Variants in DNAH17 observed in about 807,000 individuals in gnomAD.
The protein encoded by DNAH17 is axonemal beta dynein heavy chain 17.
In DNAH17, 376 loss-of-function variants were observed where a neutral mutation model predicts 485.6. The ratio of observed to expected loss-of-function variants is 0.77; its 90% CI spans 0.71 to 0.84. DNAH17 has a LOEUF of 0.84. Among genes scored for constraint, DNAH17 ranks in the 40% least tolerant of loss-of-function variants. The pLI is 0.00. For missense variants in DNAH17, 6,370 were observed against 5,839.3 expected, an observed-to-expected ratio of 1.09 and a Z score of -2.96; for synonymous variants, 3,031 against 2,405.9, an observed-to-expected ratio of 1.26 and a Z score of -7.60.
At chr17:78,486,986 CTTTTTTTTTTT>C (rs200078316) in intron 44 of DNAH17, among the ~76,000 whole-genome samples, 2 of 128,572 alleles carry the variant, frequency 1.6e-5, no homozygotes, top group Middle Eastern at 3.6e-3. Context: ...CCCCTTGGTG[CTTTTTTTTTTT>C]TTTTTTTTTT....
chr17:78,457,815 C>T (rs991705594), intron 62 of DNAH17, among the ~76,000 whole-genome samples: 2 of 152,008 alleles, frequency 1.3e-5, no homozygotes, highest in African/African-American at 2.4e-5. Context: ...CGACTGCCAC[C>T]ACACCCAGCT....
Position 78,466,733 on chromosome 17 carries a change from G to A in DNAH17, c.8862C>T (p.Ile2954=), listed in dbSNP as rs927722950. 1.2e-5 allele frequency: 20 copies of A among 1,612,882 alleles called. No individual in the cohort carries two copies. The highest frequency in any genetic ancestry group is 1.6e-5 in the Non-Finnish European group (19 of 1,179,616). The part of the protein sequence containing the change: ...KFPAVVNCTA[I]DWFHEWPEDA... Reference sequence around the variant, plus strand: ...CTTCCGGCCACTCGTGGAACCAGTCGATGGCCGTGCAGTTGACCACAGCTG... The same window carrying A: ...CTTCCGGCCACTCGTGGAACCAGTCAATGGCCGTGCAGTTGACCACAGCTG... The change falls in exon 56 of 81, where the codon ATC becomes ATT. Residue 2954 remains isoleucine (I), a synonymous_variant. Transcript: ENST00000389840.
At chr17:78,447,803 A>ATGCCTAACCTGTTTATACAATTAGTGT (rs2087372214) in intron 69 of DNAH17, among the ~76,000 whole-genome samples, 2 of 151,330 alleles carry the variant, frequency 1.3e-5, no homozygotes, top group African/African-American at 4.9e-5. Context: ...GCTTACACTG[A>ATGCCTAACCTGTTTATACAATTAGTGT]TGCCCAACCT....
chr17:78,451,282 TGGGGAAG>T (rs1226170295), intron 66 of DNAH17, among the ~76,000 whole-genome samples, 180 bp downstream of exon 66: 1 of 152,198 alleles, frequency 6.6e-6, no homozygotes, highest in South Asian at 2.1e-4. Context: ...AGGGGACAGC[TGGGGAAG>T]GAAATGAGCC....
chr17:78,544,630 G>A (rs1356397052), intron 16 of DNAH17, among the ~76,000 whole-genome samples: 1 of 151,940 alleles, frequency 6.6e-6, no homozygotes, highest in East Asian at 1.9e-4. Context: ...GTGAAACCCT[G>A]TCTCTACTAA....
In DNAH17 at chr17:78,571,685, C is replaced by A. The variant is rs1434971399; in HGVS notation, c.637G>T (p.Ala213Ser). The A allele has an allele frequency of 6.2e-7, 1 of 1,614,012 alleles. No homozygotes were observed. The change falls in exon 4 of 81, where the codon GCC (alanine) becomes TCC (serine). Residue 213 changes from alanine (A) to serine (S), a missense_variant. Coordinates refer to ENST00000389840, the MANE Select transcript of DNAH17 (RefSeq NM_173628.4). ...TGCAGCCCATCCAGCAGCGCCTGGGCTGAGTCTTTGCTCAGCACATCCCGG... is the reference window on the plus strand; with the variant it reads ...TGCAGCCCATCCAGCAGCGCCTGGGATGAGTCTTTGCTCAGCACATCCCGG... ...QIRDVLSKDSAQALLDGLHPL... is the reference protein window; with the variant it reads ...QIRDVLSKDSSQALLDGLHPL...
intron 16 of DNAH17, among the ~76,000 whole-genome samples, chr17:78,547,683 C>T (rs1459281420): frequency 1.4e-4 from 21 of 149,714 alleles, no homozygotes; most frequent in African/African-American, 4.7e-4. Flanking sequence ...AGTGGTGTGA[C>T]CTCAGCTCAC....
At position 78,494,620 on chromosome 17, in the gene DNAH17, A is replaced by C; in HGVS notation, c.6243T>G (p.Pro2081=). 1.2e-6 allele frequency: 2 copies of C among 1,613,836 alleles called. No homozygotes were observed. The highest frequency in any genetic ancestry group is 1.7e-6 in the Non-Finnish European group (2 of 1,179,888). Residue 2081 remains proline, a synonymous_variant, in exon 40 of 81, where the codon CCT becomes CCG. Transcript: ENST00000389840. ...IGDLFPALDV[P]RKRDLNFEKI... ...TTTCAAAATTCAGGTCCCGTTTCCG[A>C]GGCACGTCCAGAGCCGGGAAGAGGT...
At chr17:78,565,127 T>TGC (rs1057340991) in intron 11 of DNAH17, among the ~76,000 whole-genome samples, 7 of 152,272 alleles carry the variant, frequency 4.6e-5, no homozygotes, top group African/African-American at 1.7e-4. Flanking sequence ...ACTCCCACCC[T>TGC]GCTCCTTTGC....
chr17:78,425,564 T>C lies in DNAH17; in HGVS notation c.12923A>G (p.Glu4308Gly), dbSNP rs373946815. ...ADLLLRIRELEAWTTDFALPT... is the reference protein window; with the variant it reads ...ADLLLRIRELGAWTTDFALPT... ...CAGGGCAAAGTCTGTCGTCCAGGCC[T>C]CGAGTTCCTGCAAGGACACACGAGC... is the stretch of plus-strand genomic sequence containing the variant. Residue 4308 changes from glutamate (E) to glycine (G), a missense_variant, in exon 80 of 81, where the codon GAG becomes GGG. Coordinates refer to ENST00000389840, the MANE Select transcript of DNAH17 (RefSeq NM_173628.4). The C allele has an allele frequency of 6.2e-7, 1 of 1,607,994 alleles. No homozygotes were observed. Among genetic ancestry groups the C allele is most frequent in the Non-Finnish European group, 8.5e-7 (1 of 1,177,228 alleles).
rs755206656 is a variant in DNAH17, at chr17:78,551,587, T to C, written c.2339A>G (p.Asn780Ser). 2 of 1,614,060 alleles carry C rather than the reference T, an allele frequency of 1.2e-6. No homozygotes were observed. The highest frequency in any genetic ancestry group is 1.3e-5 in the African/African-American group (1 of 75,062). ...ATTTTGTTTTGCCTTTTGCATCCTG[T>C]TCTGCAAGTTGTGCAGAATTTCTCG... Reference protein sequence around the residue: ...EVREILHNLQNRMQKAKQNIE... With the variant: ...EVREILHNLQSRMQKAKQNIE... The change falls in exon 16 of 81, where the codon AAC becomes AGC. Residue 780 changes from asparagine to serine, a missense_variant. Asn to Ser is a conservative substitution (Grantham distance 46). Transcript: ENST00000389840.
chr17:78,494,715 C>T lies in DNAH17; in HGVS notation c.6148G>A (p.Ala2050Thr). The change falls in exon 40 of 81, where the codon GCG (alanine) becomes ACG (threonine). Residue 2050 changes from alanine (A) to threonine (T), a missense_variant. By Grantham distance (58) the Ala-to-Thr change is moderately conservative. Transcript: ENST00000389840. ...SRAEDQVLMR[A>T]LRDFNIPKIV... ...TTGGGGATGTTGAAGTCTCTCAGCG[C>T]CCGCATGAGCACCTGGTCCTCTGCC... is the stretch of plus-strand genomic sequence containing the variant. 1 of 1,613,884 alleles carries T rather than the reference C, an allele frequency of 6.2e-7. No individual in the cohort carries two copies. The highest frequency in any genetic ancestry group is 8.5e-7 in the Non-Finnish European group (1 of 1,179,888).
chr17:78,485,460 G>A (rs1317179811), intron 47 of DNAH17, 90 bp downstream of exon 47: 8 of 1,277,802 alleles, frequency 6.3e-6, no homozygotes, highest in Non-Finnish European at 8.6e-6. Flanking sequence ...TGGCTAGTGA[G>A]TGCCTGGGCC....
intron 64 of DNAH17, among the ~76,000 whole-genome samples, chr17:78,453,778 C>T (rs574338552): frequency 4.9e-4 from 74 of 152,326 alleles, no homozygotes; most frequent in African/African-American, 1.7e-3. Flanking sequence ...ACCTTGACCT[C>T]CCAGGCTCAA....
intron 26 of DNAH17, among the ~76,000 whole-genome samples, chr17:78,513,336 C>T (rs1476022530): frequency 1.3e-5 from 2 of 152,118 alleles, no homozygotes; most frequent in Non-Finnish European, 2.9e-5. Flanking sequence ...AGTATTTTAC[C>T]CCAAAATATG....
At chr17:78,492,889 T>A in intron 41 of DNAH17, 124 bp from the exon 42 acceptor site, 1 of 878,384 alleles carries the variant, frequency 1.1e-6, no homozygotes, top group Non-Finnish European at 1.6e-6. Context: ...TTCACTCTTG[T>A]CACCGAGGCT....
At chr17:78,440,997 G>A in intron 72 of DNAH17, 54 bp downstream of exon 72, 3 of 1,548,724 alleles carry the variant, frequency 1.9e-6, no homozygotes, top group Non-Finnish European at 2.6e-6. Flanking sequence ...CCTGGTGCCT[G>A]GTGATGCTGA....
chr17:78,505,155 G>T, intron 31 of DNAH17, 138 bp downstream of exon 31: 1 of 1,111,782 alleles, frequency 9.0e-7, no homozygotes. Flanking sequence ...TTCTAGAGAG[G>T]GAGAGGAGAG....
At chr17:78,537,601 G>C (rs549810918) in intron 18 of DNAH17, 120 bp from the exon 19 acceptor site, 1 of 1,172,872 alleles carries the variant, frequency 8.5e-7, no homozygotes, top group East Asian at 2.6e-5. Context: ...TATCTGGGAA[G>C]CTTCTGAGAG....
Sources: allele counts gnomAD v4.1 joint callset (sites outside exome capture counted in the v4.1 genomes callset), GRCh38; gene constraint gnomAD v4.1.1; transcripts MANE v1.5; gene names NCBI Gene and HGNC (gene_info 2026-07-23, HGNC 2026-07-21).